Variants in SOX6 observed in about 807,000 individuals in gnomAD.
The protein encoded by SOX6 is SRY-box transcription factor 6, also known as transcription factor SOX-6.
In SOX6, 11 loss-of-function variants were observed where a neutral mutation model predicts 97.8. The ratio of observed to expected loss-of-function variants is 0.11; its 90% CI spans 0.07 to 0.19. The LOEUF (loss-of-function observed/expected upper bound fraction) is 0.19, where lower values mean the gene tolerates loss of function less well. SOX6 is among the 10% of genes least tolerant of loss of function. The pLI is 1.00. For missense variants in SOX6, 810 were observed against 1,039.5 expected, an observed-to-expected ratio of 0.78 and a Z score of 3.04; for synonymous variants, 360 against 371.4, an observed-to-expected ratio of 0.97 and a Z score of 0.35.
chr11:16,024,245 G>A (rs1248632155), intron 12 of SOX6, among the ~76,000 whole-genome samples: 1 of 152,086 alleles, frequency 6.6e-6, no homozygotes, highest in East Asian at 1.9e-4. Flanking sequence ...CTTGATCTTG[G>A]ACTTCCAGGC....
intron 3 of SOX6, among the ~76,000 whole-genome samples, chr11:16,679,679 G>A (rs191631089): frequency 6.6e-6 from 1 of 152,300 alleles, no homozygotes; most frequent in East Asian, 1.9e-4. Flanking sequence ...TGAGCTTAAG[G>A]AGCGTGTTCT....
chr11:16,196,574 T>G (rs182527234), intron 4 of SOX6, among the ~76,000 whole-genome samples: 21 of 152,344 alleles, frequency 1.4e-4, no homozygotes, highest in African/African-American at 4.8e-4. Flanking sequence ...CAATGTCCTG[T>G]GACCTTTCAG....
chr11:16,730,081 C>A (rs1285007556), intron 2 of SOX6, among the ~76,000 whole-genome samples: 3 of 150,416 alleles, frequency 2.0e-5, no homozygotes, highest in Non-Finnish European at 4.4e-5. Context: ...TACAGGAGCA[C>A]CCAGATTCAT....
intron 4 of SOX6, among the ~76,000 whole-genome samples, chr11:16,537,951 A>G (rs1434992267): frequency 1.3e-5 from 2 of 152,216 alleles, no homozygotes. Context: ...GCAGGCCAAC[A>G]TTCAAATGCA....
chr11:16,389,503 C>T (rs951881869), intron 1 of SOX6, among the ~76,000 whole-genome samples: 9 of 151,724 alleles, frequency 5.9e-5, no homozygotes, highest in Non-Finnish European at 2.9e-5. Context: ...TTTTAAGTTC[C>T]CTTTGGCTCT....
intron 3 of SOX6, among the ~76,000 whole-genome samples, chr11:16,672,745 A>C (rs1483395740): frequency 6.6e-6 from 1 of 152,182 alleles, no homozygotes; most frequent in Non-Finnish European, 1.5e-5. Context: ...TCAAAGACCC[A>C]GTGGTTGCTG....
At chr11:16,229,263 C>T (rs1183625333) in intron 4 of SOX6, among the ~76,000 whole-genome samples, 1 of 151,902 alleles carries the variant, frequency 6.6e-6, no homozygotes, top group East Asian at 1.9e-4. Flanking sequence ...TCTAAAAGCA[C>T]AAACTTATGG....
chr11:16,109,459 C>T (rs1849174706), intron 7 of SOX6, among the ~76,000 whole-genome samples: 1 of 152,128 alleles, frequency 6.6e-6, no homozygotes, highest in Non-Finnish European at 1.5e-5. Context: ...CCCTCAGCCT[C>T]CCAACGTGCT....
chr11:16,705,777 G>A (rs1439166270), intron 3 of SOX6, among the ~76,000 whole-genome samples: 2 of 151,964 alleles, frequency 1.3e-5, no homozygotes, highest in South Asian at 4.2e-4. Flanking sequence ...AAACTAAATC[G>A]TTATATATTA....
At chr11:16,186,223 T>A (rs184770233) in intron 5 of SOX6, among the ~76,000 whole-genome samples, 3 of 152,310 alleles carry the variant, frequency 2.0e-5, no homozygotes, top group African/African-American at 7.2e-5. Context: ...ATAGTGACCA[T>A]GTGATGTATC....
chr11:16,345,734 G>T (rs958913384), intron 1 of SOX6, among the ~76,000 whole-genome samples: 1 of 151,896 alleles, frequency 6.6e-6, no homozygotes, highest in African/African-American at 2.4e-5. Flanking sequence ...TTTCTGATTT[G>T]ACATTATTCT....
At chr11:16,010,035 T>C (rs1337853107) in intron 13 of SOX6, among the ~76,000 whole-genome samples, 2 of 151,422 alleles carry the variant, frequency 1.3e-5, no homozygotes, top group African/African-American at 4.9e-5. Flanking sequence ...AGAAGAACTA[T>C]TACAATCTCT....
At chr11:16,280,495 G>T (rs954297486) in intron 3 of SOX6, among the ~76,000 whole-genome samples, 1 of 151,854 alleles carries the variant, frequency 6.6e-6, no homozygotes, top group African/African-American at 2.4e-5. Flanking sequence ...AGTCAGGGCC[G>T]CACCCTTCAC....
chr11:16,641,550 T>C (rs890267272), intron 3 of SOX6, among the ~76,000 whole-genome samples: 9 of 152,214 alleles, frequency 5.9e-5, no homozygotes, highest in Non-Finnish European at 1.3e-4. Context: ...TAAGTCTCTT[T>C]ATAGGTCTCT....
intron 1 of SOX6, among the ~76,000 whole-genome samples, chr11:16,410,959 A>G (rs916343298): frequency 6.6e-6 from 1 of 151,128 alleles, no homozygotes; most frequent in African/African-American, 2.4e-5. Context: ...TGAACAACTT[A>G]GGGTAGGGGA....
At chr11:16,345,857 C>T (rs1427749279) in intron 1 of SOX6, among the ~76,000 whole-genome samples, 1 of 151,866 alleles carries the variant, frequency 6.6e-6, no homozygotes, top group Non-Finnish European at 1.5e-5. Flanking sequence ...TTTATTATAG[C>T]TTGAAAAGTA....
At chr11:16,531,945 C>G (rs1460259851) in intron 4 of SOX6, among the ~76,000 whole-genome samples, 1 of 151,798 alleles carries the variant, frequency 6.6e-6, no homozygotes, top group Non-Finnish European at 1.5e-5. Context: ...CACATACAAA[C>G]AGAAATCTCT....
At chr11:16,247,612 C>T (rs969914821) in intron 3 of SOX6, among the ~76,000 whole-genome samples, 8 of 152,070 alleles carry the variant, frequency 5.3e-5, no homozygotes, top group African/African-American at 1.9e-4. Context: ...AAGTGGGAAG[C>T]CCCTTATAAA....
intron 9 of SOX6, 46 bp downstream of exon 9, chr11:16,095,948 AAC>A (rs749796801): frequency 6.3e-7 from 1 of 1,599,326 alleles, no homozygotes; most frequent in Admixed American, 1.7e-5. Flanking sequence ...AGTATGACTG[AAC>A]AATCCAGTCC....
Sources: allele counts gnomAD v4.1 joint callset (sites outside exome capture counted in the v4.1 genomes callset), GRCh38; gene constraint gnomAD v4.1.1; transcripts MANE v1.5; gene names NCBI Gene and HGNC (gene_info 2026-07-23, HGNC 2026-07-21).